The following LHFPL3 variants were observed in gnomAD, a reference collection of about 807,000 sequenced individuals.
The protein encoded by LHFPL3 is LHFPL tetraspan subfamily member 3 protein.
LHFPL3 carries 5 observed loss-of-function variants against 19.3 expected under a neutral mutation model. The ratio of observed to expected loss-of-function variants is 0.26; its 90% CI spans 0.14 to 0.54. LHFPL3 has a LOEUF of 0.54. LHFPL3 is among the 20% of genes least tolerant of loss of function. The pLI, the probability that LHFPL3 is intolerant of heterozygous loss-of-function variation, is 0.94. For missense variants in LHFPL3, 249 were observed against 307.4 expected, an observed-to-expected ratio of 0.81 and a Z score of 1.42; for synonymous variants, 133 against 126.2, an observed-to-expected ratio of 1.05 and a Z score of -0.36.
intron 1 of LHFPL3, among the ~76,000 whole-genome samples, chr7:104,591,821 C>T (rs199990724): frequency 6.6e-6 from 1 of 152,096 alleles, no homozygotes; most frequent in Non-Finnish European, 1.5e-5. Context: ...TTTCTTTTTA[C>T]TCTTTTTTCT....
intron 1 of LHFPL3, among the ~76,000 whole-genome samples, chr7:104,680,964 A>G (rs979508276): frequency 6.6e-6 from 1 of 152,202 alleles, no homozygotes; most frequent in Admixed American, 6.5e-5. Flanking sequence ...CATCAAACCT[A>G]AAACAGCTTA....
intron 2 of LHFPL3, among the ~76,000 whole-genome samples, chr7:104,836,208 T>C (rs1791092596): frequency 1.3e-5 from 2 of 152,238 alleles, no homozygotes; most frequent in Non-Finnish European, 1.5e-5. Flanking sequence ...GATTGACTGG[T>C]TGGCAGAGAG....
At chr7:104,699,913 G>A (rs1793070161) in intron 1 of LHFPL3, among the ~76,000 whole-genome samples, 1 of 152,164 alleles carries the variant, frequency 6.6e-6, no homozygotes, top group Admixed American at 6.5e-5. Flanking sequence ...ATTGCTCCCA[G>A]AGAGCTTGCC....
At chr7:104,430,386 A>ATATATATACGTG (rs1791943731) in intron 1 of LHFPL3, among the ~76,000 whole-genome samples, 2 of 41,970 alleles carry the variant, frequency 4.8e-5, no homozygotes, top group Admixed American at 3.1e-4. Context: ...ATATATACAT[A>ATATATATACGTG]TATATATATA....
chr7:104,653,396 C>T (rs1792065034), intron 1 of LHFPL3, among the ~76,000 whole-genome samples: 1 of 152,178 alleles, frequency 6.6e-6, no homozygotes, highest in Admixed American at 6.6e-5. Context: ...GATTAGGCCA[C>T]CCAGAGTGGA....
intron 2 of LHFPL3, among the ~76,000 whole-genome samples, chr7:104,776,860 A>C (rs1562989340): frequency 6.6e-6 from 1 of 152,212 alleles, no homozygotes; most frequent in Non-Finnish European, 1.5e-5. Flanking sequence ...GGGCTTTTAC[A>C]ACAGAGGAGC....
chr7:104,532,106 C>A (rs927041835), intron 1 of LHFPL3, among the ~76,000 whole-genome samples: 1 of 151,816 alleles, frequency 6.6e-6, no homozygotes, highest in African/African-American at 2.4e-5. Context: ...CTGTTTTTTG[C>A]ATTTCTTGTT....
intron 1 of LHFPL3, among the ~76,000 whole-genome samples, chr7:104,593,091 T>C (rs528783130): frequency 1.3e-4 from 20 of 152,202 alleles, no homozygotes; most frequent in Non-Finnish European, 2.5e-4. Context: ...CTTTTGGATG[T>C]GCTTGCTCTT....
intron 1 of LHFPL3, among the ~76,000 whole-genome samples, chr7:104,724,790 A>T (rs1408270944): frequency 1.4e-5 from 1 of 72,262 alleles, no homozygotes; most frequent in Non-Finnish European, 3.4e-5. Flanking sequence ...TATCCAAAAG[A>T]AAAGAAAAGG....
intron 1 of LHFPL3, among the ~76,000 whole-genome samples, chr7:104,366,696 A>G (rs1790500968): frequency 6.6e-6 from 1 of 152,212 alleles, no homozygotes; most frequent in Admixed American, 6.5e-5. Flanking sequence ...TCATCCTAAT[A>G]CAAAATTATA....
chr7:104,694,699 G>A (rs1716679520), intron 1 of LHFPL3, among the ~76,000 whole-genome samples: 1 of 152,154 alleles, frequency 6.6e-6, no homozygotes, highest in African/African-American at 2.4e-5. Flanking sequence ...ACTATCTAAG[G>A]CCAGTATCAT....
At chr7:104,889,515 C>T (rs1792207800) in intron 2 of LHFPL3, among the ~76,000 whole-genome samples, 1 of 152,176 alleles carries the variant, frequency 6.6e-6, no homozygotes, top group South Asian at 2.1e-4. Flanking sequence ...TGTCACAAGC[C>T]TGTAGTCCTG....
In LHFPL3 at chr7:104,551,876, G is replaced by A. The variant is rs184581980; in HGVS notation, c.446-184799G>A. 1.3e-3 allele frequency among the ~76,000 whole-genome samples: 198 copies of A among 152,208 alleles called. 1 individual carries two copies. The highest frequency in any genetic ancestry group is 3.4e-3 in the African/African-American group (142 of 41,524). ...TACAAGAGGAGATCCTTATTTTTCAGCAACTTGGACATCTGGTCATTTACT... is the reference window on the plus strand; with the variant it reads ...TACAAGAGGAGATCCTTATTTTTCAACAACTTGGACATCTGGTCATTTACT... On this transcript the variant is annotated intron_variant, in intron 1 of 2. Transcript: ENST00000424859.
At chr7:104,712,798 T>G (rs963398735) in intron 1 of LHFPL3, among the ~76,000 whole-genome samples, 9 of 152,332 alleles carry the variant, frequency 5.9e-5, no homozygotes, top group Admixed American at 3.3e-4. Context: ...TTTTAGTGAT[T>G]TCTTATAGCA....
chr7:104,496,957 T>A (rs1793494188), intron 1 of LHFPL3, among the ~76,000 whole-genome samples: 1 of 152,164 alleles, frequency 6.6e-6, no homozygotes, highest in African/African-American at 2.4e-5. Context: ...TCTGCCTCTT[T>A]ATGATATAAA....
At chr7:104,494,477 A>G (rs1406921934) in intron 1 of LHFPL3, among the ~76,000 whole-genome samples, 1 of 151,984 alleles carries the variant, frequency 6.6e-6, no homozygotes, top group Admixed American at 6.6e-5. Context: ...CTCTCCTCTC[A>G]TTTTCACATG....
intron 1 of LHFPL3, among the ~76,000 whole-genome samples, chr7:104,567,674 A>G (rs963556733): frequency 6.6e-6 from 1 of 152,158 alleles, no homozygotes; most frequent in Non-Finnish European, 1.5e-5. Flanking sequence ...GAAAATGATG[A>G]CTAGGGCTGG....
At chr7:104,506,205 C>T (rs68029558) in intron 1 of LHFPL3, among the ~76,000 whole-genome samples, 15,522 of 151,876 alleles carry the variant, frequency 0.1, 873 homozygotes, top group East Asian at 0.12. Context: ...TTAGTAGAGA[C>T]GGGGTGAAAA....
intron 1 of LHFPL3, among the ~76,000 whole-genome samples, chr7:104,661,705 C>G (rs1792226316): frequency 6.6e-6 from 1 of 152,162 alleles, no homozygotes; most frequent in Admixed American, 6.5e-5. Context: ...ATAGACCATG[C>G]AGAAATTTCT....
Sources: allele counts gnomAD v4.1 joint callset (sites outside exome capture counted in the v4.1 genomes callset), GRCh38; gene constraint gnomAD v4.1.1; transcripts MANE v1.5; gene names NCBI Gene and HGNC (gene_info 2026-07-23, HGNC 2026-07-21).